LRRC4C: variants seen among roughly 807,000 people sequenced by gnomAD.
LRRC4C encodes the protein leucine rich repeat containing 4C.
A neutral mutation model predicts 33.6 loss-of-function variants in LRRC4C; 5 were observed. That is an observed-to-expected ratio of 0.15 (90% CI 0.08 to 0.31). LRRC4C has a LOEUF of 0.31. Among genes scored for constraint, LRRC4C ranks in the 10% least tolerant of loss-of-function variants. The pLI is 1.00. For missense variants in LRRC4C, 560 were observed against 796.7 expected, an observed-to-expected ratio of 0.70 and a Z score of 3.58; for synonymous variants, 329 against 302.0, an observed-to-expected ratio of 1.09 and a Z score of -0.93.
intron 1 of LRRC4C, among the ~76,000 whole-genome samples, chr11:41,357,383 GAACAGCCTATTCTAACAAA>G (rs1952200097): frequency 6.6e-6 from 1 of 152,108 alleles, no homozygotes; most frequent in Admixed American, 6.5e-5. Context: ...AGGGCACTGT[GAACAGCCTATTCTAACAAA>G]AATTAGAAGT....
chr11:40,143,181 T>G lies in LRRC4C; in HGVS notation c.-95-2328A>C, dbSNP rs190566285. 4.6e-3 allele frequency among the ~76,000 whole-genome samples: 698 copies of G among 152,322 alleles called. 8 individuals are homozygous for G. The highest frequency in any genetic ancestry group is 0.016 in the African/African-American group (668 of 41,572). ...TGTTTTTTTCTCCAAACACATCTAT[T>G]GCTATGTCTTGGTCCAATTTCTATC... On this transcript the variant is annotated intron_variant, in intron 5 of 6. Transcript: ENST00000528697.
chr11:41,115,638 T>G (rs1383539592), intron 1 of LRRC4C, among the ~76,000 whole-genome samples: 1 of 152,034 alleles, frequency 6.6e-6, no homozygotes, highest in Non-Finnish European at 1.5e-5. Flanking sequence ...TCAATAAAAT[T>G]TATATTAATA....
intron 2 of LRRC4C, among the ~76,000 whole-genome samples, chr11:40,694,613 A>G (rs1221574556): frequency 6.6e-6 from 1 of 152,158 alleles, no homozygotes; most frequent in Non-Finnish European, 1.5e-5. Context: ...TCCCATGGCT[A>G]TACAGAGACA....
At chr11:41,050,285 A>G (rs932259532) in intron 1 of LRRC4C, among the ~76,000 whole-genome samples, 10 of 152,174 alleles carry the variant, frequency 6.6e-5, no homozygotes, top group African/African-American at 1.4e-4. Flanking sequence ...AACAGGTACA[A>G]TGAAGTCCAA....
chr11:40,891,716 G>A (rs1172441574), intron 2 of LRRC4C, among the ~76,000 whole-genome samples: 1 of 152,102 alleles, frequency 6.6e-6, no homozygotes, highest in African/African-American at 2.4e-5. Flanking sequence ...TCTCGCCCCA[G>A]TTAAAATTGC....
intron 4 of LRRC4C, among the ~76,000 whole-genome samples, chr11:40,307,115 T>C (rs1945079112): frequency 6.6e-6 from 1 of 151,982 alleles, no homozygotes; most frequent in African/African-American, 2.4e-5. Context: ...TCCTAGCTGG[T>C]ACCCACTAGA....
chr11:40,790,932 T>C (rs950396321), intron 2 of LRRC4C, among the ~76,000 whole-genome samples: 4 of 152,162 alleles, frequency 2.6e-5, no homozygotes, highest in African/African-American at 9.7e-5. Context: ...CCACAATGCT[T>C]CCATTGATAC....
intron 3 of LRRC4C, among the ~76,000 whole-genome samples, chr11:40,531,372 A>G (rs10437641): frequency 0.088 from 13,343 of 152,090 alleles, 1,660 homozygotes; most frequent in African/African-American, 0.28. Flanking sequence ...TTGTGACGTC[A>G]AGAGAGTCGA....
At chr11:41,458,577 G>A (rs906135077) in intron 1 of LRRC4C, among the ~76,000 whole-genome samples, 11 of 151,848 alleles carry the variant, frequency 7.2e-5, no homozygotes, top group Non-Finnish European at 2.9e-5. Context: ...GAAAGGCACA[G>A]TTAACTACCA....
At chr11:41,362,266 C>A (rs1952381444) in intron 1 of LRRC4C, among the ~76,000 whole-genome samples, 1 of 152,074 alleles carries the variant, frequency 6.6e-6, no homozygotes, top group Non-Finnish European at 1.5e-5. Context: ...GGGACAACAG[C>A]ATTTTCTCAA....
intron 1 of LRRC4C, among the ~76,000 whole-genome samples, chr11:41,026,384 C>A (rs1856360791): frequency 6.6e-6 from 1 of 151,386 alleles, no homozygotes; most frequent in African/African-American, 2.4e-5. Context: ...AAAGTGGTGC[C>A]TGAAAATACA....
intron 3 of LRRC4C, among the ~76,000 whole-genome samples, chr11:40,333,811 CA>C (rs1268680145): frequency 6.7e-6 from 1 of 150,122 alleles, no homozygotes; most frequent in African/African-American, 2.5e-5. Flanking sequence ...TGATAATGAT[CA>C]GATGAGTGAC....
chr11:40,172,047 T>C (rs540690530), intron 5 of LRRC4C, among the ~76,000 whole-genome samples: 1 of 152,250 alleles, frequency 6.6e-6, no homozygotes, highest in East Asian at 1.9e-4. Context: ...AAGGAGTCCG[T>C]TTGCTTTCTT....
intron 5 of LRRC4C, among the ~76,000 whole-genome samples, chr11:40,231,756 C>A (rs990619620): frequency 1.3e-5 from 2 of 152,164 alleles, no homozygotes; most frequent in Admixed American, 1.3e-4. Flanking sequence ...TGTATACACA[C>A]ATACATATTT....
chr11:40,145,591 A>G (rs1421878959), intron 5 of LRRC4C, among the ~76,000 whole-genome samples: 2 of 152,224 alleles, frequency 1.3e-5, no homozygotes, highest in African/African-American at 2.4e-5. Flanking sequence ...TCTACAAGCT[A>G]GAGCAGAGAA....
intron 2 of LRRC4C, among the ~76,000 whole-genome samples, chr11:40,714,368 C>T (rs911788403): frequency 3.9e-5 from 6 of 152,150 alleles, no homozygotes; most frequent in Admixed American, 2.6e-4. Context: ...ACTGCACTTC[C>T]GATCACAATA....
At chr11:40,117,121 G>A (rs1280669444) in intron 6 of LRRC4C, among the ~76,000 whole-genome samples, 29 of 152,108 alleles carry the variant, frequency 1.9e-4, no homozygotes, top group Non-Finnish European at 5.9e-5. Context: ...TATAAATCAG[G>A]GCTCAGATGC....
chr11:40,708,177 A>AT (rs1309680193), intron 2 of LRRC4C, among the ~76,000 whole-genome samples: 26 of 151,928 alleles, frequency 1.7e-4, no homozygotes, highest in African/African-American at 5.8e-4. Flanking sequence ...GGATTCACTG[A>AT]TTTTTTGAAG....
At chr11:40,839,122 C>A (rs1374948227) in intron 2 of LRRC4C, among the ~76,000 whole-genome samples, 1 of 152,098 alleles carries the variant, frequency 6.6e-6, no homozygotes, top group Non-Finnish European at 1.5e-5. Flanking sequence ...AATACTGTCT[C>A]TAAATTTTGC....
Sources: gnomAD v4.1 joint callset for allele counts (sites outside exome capture counted in the v4.1 genomes callset) on GRCh38, gnomAD v4.1.1 for gene constraint, MANE v1.5 for transcripts, NCBI Gene and HGNC (gene_info 2026-07-23, HGNC 2026-07-21) for gene names.